CDH8: variants seen among roughly 807,000 people sequenced by gnomAD.
CDH8 encodes the protein cadherin-8.
CDH8 carries 17 observed loss-of-function variants against 68.1 expected under a neutral mutation model. The ratio of observed to expected loss-of-function variants is 0.25; its 90% confidence interval spans 0.17 to 0.37. CDH8 has a LOEUF of 0.37. CDH8 is among the 10% of genes least tolerant of loss of function. CDH8 has a pLI of 1.00. For synonymous variants in CDH8, 372 were observed against 365.1 expected (o/e 1.02, Z -0.21); for missense variants, 763 against 999.3 (o/e 0.76, Z 3.19).
At chr16:61,944,552 G>C (rs1313469473) in intron 2 of CDH8, among the ~76,000 whole-genome samples, 3 of 152,054 alleles carry the variant, frequency 2.0e-5, no homozygotes, top group African/African-American at 4.8e-5. Context: ...GAATAATTTT[G>C]GCAGCTAACT....
At chr16:61,992,805 T>C (rs115146794) in intron 2 of CDH8, among the ~76,000 whole-genome samples, 15 of 152,286 alleles carry the variant, frequency 9.8e-5, no homozygotes, top group African/African-American at 3.6e-4. Flanking sequence ...CTTTTTACCT[T>C]TGAGACAGGG....
intron 10 of CDH8, among the ~76,000 whole-genome samples, chr16:61,664,780 A>G (rs1234510058): frequency 6.6e-6 from 1 of 151,988 alleles, no homozygotes; most frequent in Non-Finnish European, 1.5e-5. Flanking sequence ...CCAGAATTCT[A>G]TTTTACTGAA....
At chr16:61,862,109 CAAAAG>C (rs1357549212) in intron 3 of CDH8, among the ~76,000 whole-genome samples, 1 of 146,720 alleles carries the variant, frequency 6.8e-6, no homozygotes, top group Non-Finnish European at 1.5e-5. Flanking sequence ...TAAAACTGCT[CAAAAG>C]AAAACACACA....
At chr16:61,769,353 C>T (rs1960719776) in intron 8 of CDH8, among the ~76,000 whole-genome samples, 1 of 151,720 alleles carries the variant, frequency 6.6e-6, no homozygotes, top group Admixed American at 6.6e-5. Context: ...CATTATACAA[C>T]AACATAGAAA....
intron 8 of CDH8, among the ~76,000 whole-genome samples, chr16:61,770,982 G>T (rs1255311448): frequency 1.3e-5 from 2 of 151,944 alleles, no homozygotes; most frequent in Non-Finnish European, 2.9e-5. Flanking sequence ...AATCTGGACT[G>T]TACTGAGGAC....
At chr16:61,777,407 G>A (rs564019379) in intron 8 of CDH8, among the ~76,000 whole-genome samples, 57 of 152,234 alleles carry the variant, frequency 3.7e-4, no homozygotes, top group African/African-American at 1.4e-3. Context: ...TACAGTAAGA[G>A]TTATTGTTAC....
intron 8 of CDH8, among the ~76,000 whole-genome samples, chr16:61,746,079 T>C (rs1960014002): frequency 6.6e-6 from 1 of 152,146 alleles, no homozygotes; most frequent in Admixed American, 6.6e-5. Flanking sequence ...TTTACACTGC[T>C]AAAATATTTG....
At chr16:61,897,480 G>C in intron 3 of CDH8, among the ~76,000 whole-genome samples, 1 of 152,092 alleles carries the variant, frequency 6.6e-6, no homozygotes, top group East Asian at 1.9e-4. Context: ...TATATTTTAA[G>C]TCCTTTTCTT....
At chr16:61,907,232 T>C (rs1964076361) in intron 2 of CDH8, among the ~76,000 whole-genome samples, 1 of 152,174 alleles carries the variant, frequency 6.6e-6, no homozygotes, top group Non-Finnish European at 1.5e-5. Context: ...ACTGGGCCAC[T>C]CTGCCTACCT....
chr16:61,725,739 C>A (rs1330924012), intron 9 of CDH8: 1 of 150,704 alleles, frequency 6.6e-6, no homozygotes, highest in Non-Finnish European at 1.5e-5. Context: ...GGGGTAATTC[C>A]ACATGATAAA....
intron 2 of CDH8, among the ~76,000 whole-genome samples, chr16:61,911,958 A>T (rs1429649848): frequency 6.6e-6 from 1 of 152,156 alleles, no homozygotes; most frequent in Non-Finnish European, 1.5e-5. Flanking sequence ...ACAGAATGTT[A>T]TATCAGTGCT....
intron 2 of CDH8, chr16:61,918,835 G>A (rs2143380329): frequency 6.6e-6 from 1 of 151,530 alleles, no homozygotes; most frequent in Admixed American, 6.6e-5. Flanking sequence ...AGGCCTGCCT[G>A]CCTCTGTAGG....
intron 8 of CDH8, among the ~76,000 whole-genome samples, chr16:61,762,209 A>G (rs1270630192): frequency 1.1e-4 from 16 of 152,150 alleles, no homozygotes; most frequent in African/African-American, 2.4e-5. Context: ...CCACAAACAC[A>G]TATACTCGCA....
chr16:61,738,663 T>C lies in CDH8; in HGVS notation c.1415-11448A>G, dbSNP rs1357429788. ...TAAAAATCAATAGTGTGAATGAGCATGGAACTATTATGTTTTCTATTTTTC... is the reference window on the plus strand; with the variant it reads ...TAAAAATCAATAGTGTGAATGAGCACGGAACTATTATGTTTTCTATTTTTC... On this transcript the variant is annotated intron_variant, in intron 8 of 11. Transcript: ENST00000577390. Among the ~76,000 whole-genome samples the C allele has an allele frequency of 2.6e-5, 4 of 152,286 alleles. No homozygotes were observed. The East Asian group carries it at 7.7e-4, about 29-fold the overall frequency.
rs1327581954 is a variant in CDH8, at chr16:61,655,614, T to C, written c.1762A>G (p.Ser588Gly). 1 of 1,614,214 alleles carries C rather than the reference T, an allele frequency of 6.2e-7. No individual in the cohort carries two copies. The highest frequency in any genetic ancestry group is 1.1e-5 in the South Asian group (1 of 91,088). Residue 588 changes from serine to glycine, a missense_variant, in exon 11 of 12, where the codon AGC (serine) becomes GGC (glycine). Coordinates refer to ENST00000577390, the MANE Select transcript of CDH8 (RefSeq NM_001796.5). ...ISDSGNPPLS[S>G]TSTLTIRVCG... Reference sequence around the variant, plus strand: ...ACCCTGATTGTCAAGGTGCTAGTGCTGCTCAGTGGAGGATTTCCACTATCA... The same window carrying C: ...ACCCTGATTGTCAAGGTGCTAGTGCCGCTCAGTGGAGGATTTCCACTATCA...
chr16:61,776,201 T>G (rs1284314845), intron 8 of CDH8, among the ~76,000 whole-genome samples: 1 of 152,102 alleles, frequency 6.6e-6, no homozygotes, highest in Non-Finnish European at 1.5e-5. Flanking sequence ...TTTACGCAAT[T>G]TACCTGTGTT....
intron 8 of CDH8, among the ~76,000 whole-genome samples, chr16:61,775,552 T>C (rs1567464779): frequency 1.3e-5 from 2 of 152,250 alleles, no homozygotes; most frequent in East Asian, 3.9e-4. Flanking sequence ...TTTTGGTCAA[T>C]GAACTATTAT....
At chr16:61,904,313 A>T (rs1028668283) in intron 2 of CDH8, among the ~76,000 whole-genome samples, 4 of 152,194 alleles carry the variant, frequency 2.6e-5, no homozygotes, top group Non-Finnish European at 2.9e-5. Context: ...AGTGTGTCAT[A>T]TCATATTCAC....
intron 2 of CDH8, among the ~76,000 whole-genome samples, chr16:62,007,237 G>C (rs1004768887): frequency 2.7e-4 from 41 of 152,270 alleles, no homozygotes; most frequent in African/African-American, 9.4e-4. Context: ...GTTTTAGACA[G>C]ATGTAAACTG....
Sources: allele counts gnomAD v4.1 joint callset (sites outside exome capture counted in the v4.1 genomes callset), GRCh38; gene constraint gnomAD v4.1.1; transcripts MANE v1.5; gene names NCBI Gene and HGNC (gene_info 2026-07-23, HGNC 2026-07-21).